Variants in ZBTB20 observed in about 807,000 individuals in gnomAD.
ZBTB20 encodes zinc finger and BTB domain-containing protein 20.
In ZBTB20, 9 loss-of-function variants were observed where a neutral mutation model predicts 56.9. The ratio of observed to expected loss-of-function variants is 0.16; its 90% confidence interval spans 0.10 to 0.28. The LOEUF is 0.28. Among genes scored for constraint, ZBTB20 ranks in the 10% least tolerant of loss-of-function variants. ZBTB20 has a pLI of 1.00. For missense variants in ZBTB20, 655 were observed against 1,003.0 expected, an observed-to-expected ratio of 0.65 and a Z score of 4.69; for synonymous variants, 417 against 420.7, an observed-to-expected ratio of 0.99 and a Z score of 0.11.
chr3:114,673,594 T>C (rs2061475655), intron 6 of ZBTB20, among the ~76,000 whole-genome samples: 2 of 152,072 alleles, frequency 1.3e-5, no homozygotes, highest in South Asian at 4.1e-4. Flanking sequence ...TTAAGATAAA[T>C]CCATGTTCTC....
intron 6 of ZBTB20, among the ~76,000 whole-genome samples, chr3:114,562,084 G>C (rs1439858979): frequency 6.6e-6 from 1 of 151,940 alleles, no homozygotes; most frequent in African/African-American, 2.4e-5. Context: ...TTCTTCTAAA[G>C]CTTCCTCACC....
At chr3:114,891,678 G>A (rs910822394) in intron 4 of ZBTB20, among the ~76,000 whole-genome samples, 27 of 152,142 alleles carry the variant, frequency 1.8e-4, no homozygotes, top group African/African-American at 5.6e-4. Flanking sequence ...AACACTTAAC[G>A]ATTAAATATA....
chr3:115,047,688 ATATTATATAC>A (rs1490816041), intron 2 of ZBTB20, among the ~76,000 whole-genome samples: 2 of 152,228 alleles, frequency 1.3e-5, no homozygotes, highest in Non-Finnish European at 2.9e-5. Flanking sequence ...TAACCCGGAC[ATATTATATAC>A]TGTATCCTGT....
rs112595630 is a variant in ZBTB20, at chr3:114,492,686, T to C, written c.-255+7666A>G. ...TTACCAAAGTTAAGCTACCTTGATATATATTTTTAAATTTTTAATTTCAAG... is the reference window on the plus strand; with the variant it reads ...TTACCAAAGTTAAGCTACCTTGATACATATTTTTAAATTTTTAATTTCAAG... On this transcript the variant is annotated intron_variant, in intron 7 of 11. Transcript: ENST00000675478. Among the ~76,000 whole-genome samples, 1,043 of 152,338 alleles carry C rather than the reference T, an allele frequency of 6.8e-3. 16 individuals are homozygous for C. The highest frequency in any genetic ancestry group is 0.024 in the African/African-American group (997 of 41,586).
chr3:114,912,458 C>CT (rs1253357057), intron 3 of ZBTB20, among the ~76,000 whole-genome samples: 2 of 151,428 alleles, frequency 1.3e-5, no homozygotes, highest in Non-Finnish European at 2.9e-5. Context: ...TACTTTTAAA[C>CT]TTTTTATTTT....
intron 10 of ZBTB20, among the ~76,000 whole-genome samples, chr3:114,373,293 T>C (rs367870517): frequency 6.6e-6 from 1 of 152,212 alleles, no homozygotes; most frequent in South Asian, 2.1e-4. Context: ...GTAGATGTCT[T>C]GCTTTATTAT....
intron 6 of ZBTB20, among the ~76,000 whole-genome samples, chr3:114,566,389 A>G (rs2052758972): frequency 6.6e-6 from 1 of 152,200 alleles, no homozygotes; most frequent in Non-Finnish European, 1.5e-5. Flanking sequence ...TGGCTAAAGA[A>G]GAGGTGGGTG....
At chr3:114,456,470 C>T (rs565549004) in intron 7 of ZBTB20, among the ~76,000 whole-genome samples, 11 of 152,180 alleles carry the variant, frequency 7.2e-5, no homozygotes, top group South Asian at 2.1e-4. Flanking sequence ...TCATACACCT[C>T]GTTTCTAAAA....
chr3:114,967,864 C>T (rs760099940), intron 3 of ZBTB20, among the ~76,000 whole-genome samples: 12 of 150,756 alleles, frequency 8.0e-5, no homozygotes, highest in Non-Finnish European at 1.2e-4. Flanking sequence ...GGCTGAGGCA[C>T]GAGAATTGCT....
At chr3:115,087,813 C>T (rs2083043449) in intron 1 of ZBTB20, among the ~76,000 whole-genome samples, 1 of 151,938 alleles carries the variant, frequency 6.6e-6, no homozygotes, top group African/African-American at 2.4e-5. Context: ...AAACCTCACC[C>T]ACATGCCATC....
At chr3:115,064,573 T>A (rs747256864) in intron 2 of ZBTB20, among the ~76,000 whole-genome samples, 4 of 147,390 alleles carry the variant, frequency 2.7e-5, no homozygotes, top group Non-Finnish European at 6.0e-5. Context: ...TGCCTCAGCC[T>A]CCCAAGTAGC....
At chr3:114,401,910 C>A (rs571763159) in intron 7 of ZBTB20, among the ~76,000 whole-genome samples, 2 of 152,098 alleles carry the variant, frequency 1.3e-5, no homozygotes, top group African/African-American at 4.8e-5. Context: ...AACATATATA[C>A]GTCCATTTCC....
chr3:114,928,370 A>G (rs905949365), intron 3 of ZBTB20, among the ~76,000 whole-genome samples: 16 of 150,370 alleles, frequency 1.1e-4, no homozygotes, highest in Admixed American at 4.0e-4. Flanking sequence ...AGGTTCTTCA[A>G]TGATGGAGAA....
chr3:114,888,683 G>A (rs1316718435), intron 4 of ZBTB20, among the ~76,000 whole-genome samples: 2 of 151,988 alleles, frequency 1.3e-5, no homozygotes, highest in Admixed American at 6.6e-5. Context: ...ATGAGACTTG[G>A]CAAAGACCCT....
At chr3:114,661,506 C>T (rs974867521) in intron 6 of ZBTB20, among the ~76,000 whole-genome samples, 1 of 152,082 alleles carries the variant, frequency 6.6e-6, no homozygotes, top group African/African-American at 2.4e-5. Flanking sequence ...CATAATCTTC[C>T]TTCAAATGAA....
intron 3 of ZBTB20, among the ~76,000 whole-genome samples, chr3:114,970,089 A>G (rs2077811617): frequency 6.6e-6 from 1 of 152,174 alleles, no homozygotes. Context: ...GGCTCTTGAT[A>G]GGTCCTGGGC....
intron 1 of ZBTB20, among the ~76,000 whole-genome samples, chr3:115,072,038 A>G (rs765224214): frequency 6.6e-5 from 10 of 152,198 alleles, no homozygotes; most frequent in Non-Finnish European, 1.0e-4. Context: ...TTTGAAACTA[A>G]GGCAATAAAC....
rs2085034098 is a variant in ZBTB20 at position 115,147,280 on chromosome 3, C to T, written c.-764G>A. 1 of 151,018 alleles carries T rather than the reference C, an allele frequency of 6.6e-6. No homozygotes were observed. Among genetic ancestry groups the T allele is most frequent in the East Asian group, 2.0e-4 (1 of 5,066 alleles). The allele number at this position is 151,018 out of a possible 1,614,324, so 9.4% of individuals were successfully genotyped here. On this transcript the variant is annotated 5_prime_UTR_variant, in exon 1 of 12. Transcript: ENST00000675478. ...AAACTTCCCCCCGCCCCTACTTCTT[C>T]GGCAGAAGGCCCACATTGGACGCTT...
At chr3:114,370,082 G>A (rs1176023912) in intron 10 of ZBTB20, among the ~76,000 whole-genome samples, 1 of 152,166 alleles carries the variant, frequency 6.6e-6, no homozygotes, top group East Asian at 1.9e-4. Flanking sequence ...GGCTTGGGTA[G>A]TGCCTTCAAA....
Sources: allele counts gnomAD v4.1 joint callset (sites outside exome capture counted in the v4.1 genomes callset), GRCh38; gene constraint gnomAD v4.1.1; transcripts MANE v1.5; gene names NCBI Gene and HGNC (gene_info 2026-07-23, HGNC 2026-07-21).